The following MROH1 variants were observed in gnomAD, a reference collection of about 807,000 sequenced individuals.
MROH1 encodes the protein maestro heat-like repeat-containing protein family member 1.
MROH1 carries 117 observed loss-of-function variants against 116.5 expected under a neutral mutation model. The ratio of observed to expected loss-of-function variants is 1.00; its 90% CI spans 0.86 to 1.17. The LOEUF is 1.17. MROH1 is among the 50% of genes most tolerant of loss of function. The pLI is 0.00. For missense variants in MROH1, 1,873 were observed against 1,338.5 expected (o/e 1.40, Z -6.23); for synonymous variants, 921 against 583.9 (o/e 1.58, Z -8.32).
chr8:144,260,584 C>T (rs1844848793), intron 39 of MROH1, 93 bp from the exon 40 acceptor site: 3 of 764,040 alleles, frequency 3.9e-6, no homozygotes, highest in Non-Finnish European at 7.2e-6. Context: ...TGGCCCGGGT[C>T]AGGCAAGGGC....
At chr8:144,175,487 C>G in intron 4 of MROH1, 1 of 985,392 alleles carries the variant, frequency 1.0e-6, no homozygotes, top group Non-Finnish European at 1.2e-6. Flanking sequence ...CTTTCCTCCC[C>G]AGTTCCTGCA....
chr8:144,210,035 C>T (rs185364449), intron 12 of MROH1, among the ~76,000 whole-genome samples: 6 of 152,116 alleles, frequency 3.9e-5, no homozygotes, highest in South Asian at 4.2e-4. Flanking sequence ...GCCACCGAGA[C>T]GCCCCTCCTT....
intron 1 of MROH1, among the ~76,000 whole-genome samples, chr8:144,154,428 G>C (rs1184363582): frequency 1.3e-5 from 2 of 151,984 alleles, no homozygotes; most frequent in Admixed American, 6.6e-5. Flanking sequence ...ACTTTGTATG[G>C]GTCCCATGGT....
intron 7 of MROH1, among the ~76,000 whole-genome samples, chr8:144,185,064 C>T (rs1325171023): frequency 6.6e-6 from 1 of 152,122 alleles, no homozygotes; most frequent in African/African-American, 2.4e-5. Context: ...AGCCTCTTGC[C>T]CTTTTCTCTG....
Position 144,152,638 on chromosome 8 carries a change from C to T in MROH1, c.-177+4562C>T, listed in dbSNP as rs973224886. ...CTCGGCTCACTGGAAGCTCCGCCTC[C>T]TGGGTTCATGCCATTCTCCTGCCTC... On this transcript the variant is annotated intron_variant, in intron 1 of 43. Coordinates refer to ENST00000326134, the MANE Select transcript of MROH1 (RefSeq NM_032450.3). 2.3e-3 allele frequency among the ~76,000 whole-genome samples: 349 copies of T among 152,156 alleles called. 1 individual carries two copies. Among genetic ancestry groups the T allele is most frequent in the African/African-American group, 8.0e-3 (331 of 41,462 alleles).
At chr8:144,216,621 C>T (rs1024302518) in intron 12 of MROH1, among the ~76,000 whole-genome samples, 24 of 151,876 alleles carry the variant, frequency 1.6e-4, no homozygotes, top group African/African-American at 5.3e-4. Context: ...TCCCACTGTT[C>T]ACTTGGTTAC....
intron 22 of MROH1, 82 bp downstream of exon 22, chr8:144,241,599 TGG>T (rs1840987474): frequency 3.9e-6 from 3 of 770,734 alleles, no homozygotes; most frequent in Non-Finnish European, 7.3e-6. Context: ...CGGGCTGGAG[TGG>T]GGCAGGAAGC....
intron 3 of MROH1, among the ~76,000 whole-genome samples, chr8:144,166,267 G>A (rs1256022754): frequency 1.3e-5 from 2 of 152,216 alleles, no homozygotes; most frequent in Non-Finnish European, 2.9e-5. Flanking sequence ...TGGGGGTTAA[G>A]TTCCAACATA....
rs186825374 is a variant in MROH1 at position 144,202,092 on chromosome 8, A to G, written c.1141+1551A>G. ...CAGACGGGGCCACAGTGCGAAAGTC[A>G]CCAGGTTAAGAGTCAGGTGTAGGCA... On this transcript the variant is annotated intron_variant, in intron 12 of 43. Transcript: ENST00000326134. Among the ~76,000 whole-genome samples, 340 of 151,916 alleles carry G rather than the reference A, an allele frequency of 2.2e-3. 1 individual carries two copies. The highest frequency in any genetic ancestry group is 7.8e-3 in the African/African-American group (323 of 41,414).
In MROH1 at chr8:144,260,605, G is replaced by A. The variant is rs1334218874; in HGVS notation, c.4381-72G>A. ...GGGTCAGGCAAGGGCACCCATCAAT[G>A]GCAGGGGGCTAGGCAGGCAGGCCTG... On this transcript the variant is annotated intron_variant, in intron 39 of 43. Transcript: ENST00000326134. 16 of 767,394 alleles carry A rather than the reference G, an allele frequency of 2.1e-5. No homozygotes were observed. In the African/African-American group the frequency reaches 2.7e-4, roughly 13 times the overall value. The allele number at this position is 767,394 out of a possible 1,614,324, so 47.5% of individuals were successfully genotyped here.
rs546043229 is a variant in MROH1 at position 144,175,354 on chromosome 8, C to A, written c.169-4101C>A. On this transcript the variant is annotated intron_variant, in intron 4 of 43. Coordinates refer to ENST00000326134, the MANE Select transcript of MROH1 (RefSeq NM_032450.3). ...GCTACACCTGAGCTGCCCCTCCCCC[C>A]CTCCCAGCAACAGGTCTGGTCGGAT... The A allele has an allele frequency of 2.9e-4, 130 of 444,488 alleles. 1 individual carries two copies. The highest frequency in any genetic ancestry group is 1.1e-3 in the Middle Eastern group (1 of 888). 27.5% of individuals were successfully genotyped at this position (444,488 alleles called of 1,614,324 possible).
chr8:144,173,250 G>A (rs539139601), intron 4 of MROH1, among the ~76,000 whole-genome samples: 7 of 151,390 alleles, frequency 4.6e-5, no homozygotes, highest in East Asian at 3.9e-4. Flanking sequence ...CTACAGGCAC[G>A]TGCCACCACT....
At chr8:144,202,953 G>A (rs1331287679) in intron 12 of MROH1, among the ~76,000 whole-genome samples, 1 of 72,916 alleles carries the variant, frequency 1.4e-5, no homozygotes, top group African/African-American at 6.4e-5. Flanking sequence ...GTAGAGGGGC[G>A]GGGAGGGGAG....
chr8:144,199,394 C>A (rs1419265161), intron 11 of MROH1, among the ~76,000 whole-genome samples, 194 bp downstream of exon 11: 1 of 152,154 alleles, frequency 6.6e-6, no homozygotes, highest in Admixed American at 6.5e-5. Context: ...CAGCCTGGAA[C>A]GTTGTTCACC....
chr8:144,211,097 G>A lies in MROH1; in HGVS notation c.1142-9503G>A, dbSNP rs923062809. Among the ~76,000 whole-genome samples the A allele has an allele frequency of 2.0e-5, 3 of 152,122 alleles. No homozygotes were observed. In the East Asian group the frequency reaches 5.8e-4, roughly 29 times the overall value. ...TGTTTATTCTGTGGATTTGCTCATC[G>A]TTGAGTTTTGCTGACTGCATTGTCA... On this transcript the variant is annotated intron_variant, in intron 12 of 43. Coordinates refer to ENST00000326134, the MANE Select transcript of MROH1 (RefSeq NM_032450.3).
chr8:144,219,794 A>G (rs1382030776), intron 12 of MROH1, among the ~76,000 whole-genome samples: 1 of 152,212 alleles, frequency 6.6e-6, no homozygotes, highest in Non-Finnish European at 1.5e-5. Flanking sequence ...AGTGAGAGAC[A>G]AGGTGTTCTA....
chr8:144,242,099 G>A (rs1037540578), intron 22 of MROH1: 25 of 566,222 alleles, frequency 4.4e-5, no homozygotes, highest in Middle Eastern at 4.8e-4. Context: ...CTTGACCCTC[G>A]GCCCTCTGCT....
At position 144,261,044 on chromosome 8, in the gene MROH1, G is replaced by C; in HGVS notation, c.4671+3G>C. 2 of 771,552 alleles carry C rather than the reference G, an allele frequency of 2.6e-6. No individual in the cohort carries two copies. Among genetic ancestry groups the C allele is most frequent in the Non-Finnish European group, 4.8e-6 (2 of 415,320 alleles). The allele number at this position is 771,552 out of a possible 1,614,324, so 47.8% of individuals were successfully genotyped here. A position where few individuals can be genotyped will look rare whatever the true frequency, so the allele number is the denominator to read the frequency against. On this transcript the variant is annotated splice_donor_region_variant and intron_variant, in intron 41 of 43. Coordinates refer to ENST00000326134, the MANE Select transcript of MROH1 (RefSeq NM_032450.3). ...TCAACACCACCTGCAAGCACCTGGT[G>C]AGGGGTGGGGCCAGGCGGGGCGTGG...
chr8:144,205,336 G>T (rs550263407), intron 12 of MROH1, among the ~76,000 whole-genome samples: 2 of 152,252 alleles, frequency 1.3e-5, no homozygotes, highest in African/African-American at 4.8e-5. Flanking sequence ...AAGTGGCTGG[G>T]TATAAAAGTC....
Sources: gnomAD v4.1 joint callset for allele counts (sites outside exome capture counted in the v4.1 genomes callset) on GRCh38, gnomAD v4.1.1 for gene constraint, MANE v1.5 for transcripts, NCBI Gene and HGNC (gene_info 2026-07-23, HGNC 2026-07-21) for gene names.